Variants in RXYLT1 observed in about 807,000 individuals in gnomAD.
RXYLT1 encodes the protein ribitol xylosyltransferase 1.
In RXYLT1, 41 loss-of-function variants were observed where a neutral mutation model predicts 43.5. The observed-to-expected ratio is 0.94, with a 90% CI of 0.73 to 1.22. RXYLT1 has a LOEUF of 1.22. RXYLT1 is among the 50% of genes most tolerant of loss of function. The probability of loss-of-function intolerance (pLI) is 0.00; values close to 1 mark genes in which losing one functional copy is unlikely to be tolerated. For synonymous variants in RXYLT1, 166 were observed against 194.4 expected, an observed-to-expected ratio of 0.85 and a Z score of 1.21; for missense variants, 514 against 532.0, an observed-to-expected ratio of 0.97 and a Z score of 0.33.
chr12:63,804,747 TGATA>T (rs1439894652), intron 4 of RXYLT1: 1 of 152,854 alleles, frequency 6.5e-6, no homozygotes, highest in Non-Finnish European at 1.5e-5. Flanking sequence ...CTATTCTGTG[TGATA>T]GATCACTAAA....
chr12:63,794,925 A>G (rs1897996189), intron 3 of RXYLT1, among the ~76,000 whole-genome samples: 1 of 152,202 alleles, frequency 6.6e-6, no homozygotes, highest in Non-Finnish European at 1.5e-5. Context: ...GGGAAGTAAG[A>G]AATATATGTA....
At chr12:63,790,708 T>C (rs1897902966) in intron 3 of RXYLT1, among the ~76,000 whole-genome samples, 1 of 152,116 alleles carries the variant, frequency 6.6e-6, no homozygotes, top group Admixed American at 6.5e-5. Flanking sequence ...ATGATCCACC[T>C]GCCTTGGCCT....
chr12:63,808,319 G>T, intron 5 of RXYLT1: 1 of 259,516 alleles, frequency 3.9e-6, no homozygotes, highest in East Asian at 1.4e-4. Context: ...ATAATTTACT[G>T]ACTTCACTTG....
intron 5 of RXYLT1, chr12:63,805,643 T>G: frequency 2.8e-6 from 1 of 357,032 alleles, no homozygotes; most frequent in Non-Finnish European, 5.0e-6. Flanking sequence ...ATTTGCAAAT[T>G]TCAGTTGTTA....
intron 3 of RXYLT1, among the ~76,000 whole-genome samples, chr12:63,799,302 C>CTTTTTTTT (rs11312130): frequency 1.1e-4 from 8 of 71,596 alleles, no homozygotes; most frequent in East Asian, 4.2e-4. Flanking sequence ...CTTTTCTTTT[C>CTTTTTTTT]TTTTTTTTTT....
rs146302106 is a variant in RXYLT1 at position 63,786,392 on chromosome 12, C to T, written c.428+1320C>T. On this transcript the variant is annotated intron_variant, in intron 3 of 5. Coordinates refer to ENST00000261234, the MANE Select transcript of RXYLT1 (RefSeq NM_014254.3). ...ATACTGCGTGTTCAGTTCCACACCA[C>T]TGCAGTCAAGCAAATACTGCAATAA... Among the ~76,000 whole-genome samples the T allele has an allele frequency of 1.3e-4, 20 of 152,192 alleles. No homozygotes were observed. In the East Asian group the frequency reaches 3.5e-3, roughly 26 times the overall value.
At chr12:63,797,658 T>C (rs904623906) in intron 3 of RXYLT1, among the ~76,000 whole-genome samples, 6 of 152,148 alleles carry the variant, frequency 3.9e-5, no homozygotes, top group African/African-American at 1.4e-4. Context: ...TCTTGGACTT[T>C]ATTCTAGGGT....
At position 63,802,195 on chromosome 12, in the gene RXYLT1, C is replaced by T. The variant is rs755132657; in HGVS notation, c.533C>T (p.Thr178Ile). 6.2e-7 allele frequency: 1 copy of T among 1,614,082 alleles called. No individual in the cohort carries two copies. The highest frequency in any genetic ancestry group is 8.5e-7 in the Non-Finnish European group (1 of 1,180,002). Reference sequence around the variant, plus strand: ...GAAAAAGCAAAGATCTTTTATGCCACCCAGTGGTTACTTTATGCACAAAAT... The same window carrying T: ...GAAAAAGCAAAGATCTTTTATGCCATCCAGTGGTTACTTTATGCACAAAAT... Reference protein sequence around the residue: ...GREKAKIFYATQWLLYAQNLV... With the variant: ...GREKAKIFYAIQWLLYAQNLV... Residue 178 changes from threonine to isoleucine, a missense_variant, in exon 4 of 6, where the codon ACC becomes ATC. Physicochemically the swap from Thr to Ile is moderately conservative, Grantham distance 89 (BLOSUM62 -1). Transcript: ENST00000261234.
chr12:63,789,070 A>G (rs2136224271), intron 3 of RXYLT1, among the ~76,000 whole-genome samples: 1 of 152,322 alleles, frequency 6.6e-6, no homozygotes, highest in East Asian at 1.9e-4. Flanking sequence ...GCCCAACCAG[A>G]AACAGAAACT....
intron 5 of RXYLT1, 97 bp from the exon 6 acceptor site, chr12:63,808,578 T>A: frequency 7.3e-7 from 1 of 1,375,252 alleles, no homozygotes; most frequent in Non-Finnish European, 9.9e-7. Flanking sequence ...AGTTTCACCA[T>A]TTCCTGAAAC....
At chr12:63,808,271 T>A (rs941267014) in intron 5 of RXYLT1, 1 of 191,436 alleles carries the variant, frequency 5.2e-6, no homozygotes, top group Non-Finnish European at 1.0e-5. Context: ...CTCTACTTAC[T>A]CCTTTGCTCT....
At chr12:63,797,104 C>T (rs1253465926) in intron 3 of RXYLT1, among the ~76,000 whole-genome samples, 1 of 151,722 alleles carries the variant, frequency 6.6e-6, no homozygotes, top group Non-Finnish European at 1.5e-5. Flanking sequence ...GCTGGGATTA[C>T]AGGCACCTGC....
intron 3 of RXYLT1, among the ~76,000 whole-genome samples, chr12:63,793,572 TTTCTAC>T (rs1307112519): frequency 6.6e-6 from 1 of 152,196 alleles, no homozygotes; most frequent in Non-Finnish European, 1.5e-5. Context: ...ATATATAATA[TTTCTAC>T]AATAGAAATT....
intron 3 of RXYLT1, among the ~76,000 whole-genome samples, chr12:63,794,845 T>C (rs1227044706): frequency 6.6e-6 from 1 of 152,128 alleles, no homozygotes; most frequent in Non-Finnish European, 1.5e-5. Context: ...GTTTTCATTG[T>C]AGCAGAATAA....
At chr12:63,782,191 T>C (rs1331818621) in intron 2 of RXYLT1, among the ~76,000 whole-genome samples, 1 of 152,162 alleles carries the variant, frequency 6.6e-6, no homozygotes, top group African/African-American at 2.4e-5. Flanking sequence ...AATGCTACTT[T>C]GATCAGCCTA....
intron 3 of RXYLT1, among the ~76,000 whole-genome samples, chr12:63,789,948 T>C (rs1897886776): frequency 6.6e-6 from 1 of 152,250 alleles, no homozygotes; most frequent in Non-Finnish European, 1.5e-5. Context: ...ACTGTTAAGA[T>C]ACTTGTTGAA....
chr12:63,797,974 T>C (rs1898071907), intron 3 of RXYLT1, among the ~76,000 whole-genome samples: 1 of 152,106 alleles, frequency 6.6e-6, no homozygotes, highest in South Asian at 2.1e-4. Flanking sequence ...AGTTTCTAGT[T>C]TGCATGAGTA....
chr12:63,797,518 C>T (rs980666169), intron 3 of RXYLT1, among the ~76,000 whole-genome samples: 2 of 152,110 alleles, frequency 1.3e-5, no homozygotes, highest in African/African-American at 2.4e-5. Flanking sequence ...AAGTGATAAA[C>T]TTGGGTTTAT....
Position 63,797,548 on chromosome 12 carries a change from T to G in RXYLT1, c.429-4543T>G, listed in dbSNP as rs941086137. ...GTTTATGCATGGAATTGCAAACCAA[T>G]CAATATTCCTAGAGCATGAAGAAAA... On this transcript the variant is annotated intron_variant, in intron 3 of 5. Transcript: ENST00000261234. 2.4e-4 allele frequency among the ~76,000 whole-genome samples: 37 copies of G among 152,136 alleles called. 1 individual carries two copies. The highest frequency in any genetic ancestry group is 8.2e-4 in the African/African-American group (34 of 41,436).
Sources: allele counts gnomAD v4.1 joint callset (sites outside exome capture counted in the v4.1 genomes callset), GRCh38; gene constraint gnomAD v4.1.1; transcripts MANE v1.5; gene names NCBI Gene and HGNC (gene_info 2026-07-23, HGNC 2026-07-21).